RCL1: variants seen among roughly 807,000 people sequenced by gnomAD.
The protein encoded by RCL1 is RNA terminal phosphate cyclase like 1.
RCL1 carries 24 observed loss-of-function variants against 42.4 expected under a neutral mutation model. The ratio of observed to expected loss-of-function variants is 0.57; its 90% CI spans 0.41 to 0.80. The LOEUF (loss-of-function observed/expected upper bound fraction) is 0.80. RCL1 is among the 30% of genes least tolerant of loss of function. RCL1 has a pLI of 0.00. For synonymous variants in RCL1, 228 were observed against 177.3 expected (o/e 1.29, Z -2.27); for missense variants, 578 against 467.9 (o/e 1.24, Z -2.17).
chr9:4,815,145 A>G (rs1385653145), intron 1 of RCL1, among the ~76,000 whole-genome samples: 2 of 152,118 alleles, frequency 1.3e-5, no homozygotes, highest in African/African-American at 4.8e-5. Flanking sequence ...CTAGATCTGT[A>G]TGTTCATACC....
At chr9:4,837,580 G>T (rs778289174) in intron 5 of RCL1, among the ~76,000 whole-genome samples, 2 of 152,124 alleles carry the variant, frequency 1.3e-5, no homozygotes, top group Non-Finnish European at 2.9e-5. Flanking sequence ...ACACAATCTT[G>T]TCATAACAAC....
intron 8 of RCL1, chr9:4,850,453 C>T: frequency 3.3e-6 from 1 of 304,420 alleles, no homozygotes; most frequent in Non-Finnish European, 7.4e-6. Flanking sequence ...GCATGAAAAC[C>T]AGGAGCTTGA....
chr9:4,793,373 G>T (rs1313949649), intron 1 of RCL1, 146 bp downstream of exon 1: 3 of 876,826 alleles, frequency 3.4e-6, no homozygotes, highest in Non-Finnish European at 4.8e-6. Context: ...CGCCTCCAAA[G>T]CCGGAGGGGC....
chr9:4,827,990 G>T (rs1161198903), intron 3 of RCL1, among the ~76,000 whole-genome samples: 1 of 151,898 alleles, frequency 6.6e-6, no homozygotes, highest in African/African-American at 2.4e-5. Context: ...ATCGAGACCA[G>T]CCTGGCTAAC....
intron 8 of RCL1, among the ~76,000 whole-genome samples, chr9:4,852,426 G>A (rs1439545864): frequency 1.3e-5 from 2 of 152,136 alleles, no homozygotes; most frequent in Non-Finnish European, 2.9e-5. Flanking sequence ...ATCTTAATTA[G>A]CACTTTCAGA....
At chr9:4,813,195 T>A (rs1371771424) in intron 1 of RCL1, among the ~76,000 whole-genome samples, 2 of 152,148 alleles carry the variant, frequency 1.3e-5, no homozygotes, top group Non-Finnish European at 2.9e-5. Context: ...TTTGATCTAA[T>A]TAAACTAAAG....
intron 2 of RCL1, among the ~76,000 whole-genome samples, chr9:4,823,900 T>C (rs1356997538): frequency 6.7e-6 from 1 of 150,350 alleles, no homozygotes; most frequent in Non-Finnish European, 1.5e-5. Context: ...AGCATATCAT[T>C]CTAGATCATT....
intron 6 of RCL1, among the ~76,000 whole-genome samples, chr9:4,844,080 A>G (rs1817426866): frequency 6.6e-6 from 1 of 152,188 alleles, no homozygotes; most frequent in Non-Finnish European, 1.5e-5. Context: ...GAGCTCATAT[A>G]GTGCATTCGA....
At chr9:4,830,620 C>T (rs1049267479) in intron 3 of RCL1, among the ~76,000 whole-genome samples, 2 of 152,154 alleles carry the variant, frequency 1.3e-5, no homozygotes, top group African/African-American at 4.8e-5. Context: ...CATTCTTTTC[C>T]AGTTCCCTCT....
intron 5 of RCL1, among the ~76,000 whole-genome samples, chr9:4,837,253 C>T (rs1817170364): frequency 6.6e-6 from 1 of 152,032 alleles, no homozygotes; most frequent in Non-Finnish European, 1.5e-5. Context: ...AAATCAAATC[C>T]TGTTGATGGC....
At chr9:4,842,101 T>C (rs1475764344) in intron 6 of RCL1, among the ~76,000 whole-genome samples, 1 of 152,228 alleles carries the variant, frequency 6.6e-6, no homozygotes, top group African/African-American at 2.4e-5. Context: ...CCAAATTTGC[T>C]TCACTTGTTT....
intron 1 of RCL1, among the ~76,000 whole-genome samples, chr9:4,803,325 C>T (rs1167920969): frequency 6.6e-6 from 1 of 152,178 alleles, no homozygotes; most frequent in Non-Finnish European, 1.5e-5. Context: ...TATTAACACA[C>T]ATTTTCTGTA....
At chr9:4,806,155 T>C (rs776932329) in intron 1 of RCL1, among the ~76,000 whole-genome samples, 2 of 152,044 alleles carry the variant, frequency 1.3e-5, no homozygotes, top group Non-Finnish European at 2.9e-5. Flanking sequence ...GAATTTATTT[T>C]CTGTGTAGCT....
chr9:4,826,788 T>C (rs1054844174), intron 2 of RCL1, 70 bp from the exon 3 acceptor site: 10 of 1,359,600 alleles, frequency 7.4e-6, no homozygotes, highest in Non-Finnish European at 7.1e-6. Context: ...TGGAACTCAC[T>C]GCCTTCATTA....
chr9:4,793,107 C>G lies in RCL1; in HGVS notation c.16C>G (p.His6Asp). 1 of 1,609,560 alleles carries G rather than the reference C, an allele frequency of 6.2e-7. No individual in the cohort carries two copies. Among genetic ancestry groups the G allele is most frequent in the Non-Finnish European group, 8.5e-7 (1 of 1,178,320 alleles). MATQA[H>D]SLSYAGCNFL... is the part of the protein sequence containing the mutation. ...GAGCGCGCACATGGCGACTCAGGCGCACTCCCTCAGCTACGCAGGGTGCAA... is the reference window on the plus strand; with the variant it reads ...GAGCGCGCACATGGCGACTCAGGCGGACTCCCTCAGCTACGCAGGGTGCAA... The change falls in exon 1 of 9, where the codon CAC becomes GAC. Residue 6 changes from histidine (H) to aspartate (D), a missense_variant. Transcript: ENST00000381750.
chr9:4,833,083 C>A, intron 3 of RCL1, 71 bp from the exon 4 acceptor site: 2 of 1,056,994 alleles, frequency 1.9e-6, no homozygotes, highest in Non-Finnish European at 3.0e-6. Context: ...CTAAGCCTTA[C>A]TTGTTTTTTT....
intron 1 of RCL1, among the ~76,000 whole-genome samples, chr9:4,796,359 C>A (rs575339652): frequency 2.0e-5 from 3 of 152,252 alleles, no homozygotes; most frequent in African/African-American, 4.8e-5. Context: ...TGAATTAGTT[C>A]TCTTAGGATA....
chr9:4,840,185 T>C (rs1292123935), intron 5 of RCL1, among the ~76,000 whole-genome samples: 1 of 152,194 alleles, frequency 6.6e-6, no homozygotes, highest in Non-Finnish European at 1.5e-5. Flanking sequence ...CTGAGCACTT[T>C]GTTTCTGCAG....
chr9:4,795,879 T>A (rs1402990171), intron 1 of RCL1, among the ~76,000 whole-genome samples: 1 of 152,192 alleles, frequency 6.6e-6, no homozygotes, highest in Admixed American at 6.5e-5. Flanking sequence ...CCTGTTCTCA[T>A]GGAGCTTGTC....
Sources: gnomAD v4.1 joint callset for allele counts (sites outside exome capture counted in the v4.1 genomes callset) on GRCh38, gnomAD v4.1.1 for gene constraint, MANE v1.5 for transcripts, NCBI Gene and HGNC (gene_info 2026-07-23, HGNC 2026-07-21) for gene names.